Variants in ROR1 observed in about 807,000 individuals in gnomAD.
The protein encoded by ROR1 is inactive tyrosine-protein kinase transmembrane receptor ROR1.
In ROR1, 19 loss-of-function variants were observed where a neutral mutation model predicts 78.8. That is an observed-to-expected ratio of 0.24 (90% CI 0.17 to 0.35). The LOEUF (loss-of-function observed/expected upper bound fraction) is 0.35, where lower values mean the gene tolerates loss of function less well. Ranked by LOEUF, ROR1 falls within the 10% of genes least tolerant of loss-of-function variation. The pLI, the probability that ROR1 is intolerant of heterozygous loss-of-function variation, is 1.00. For synonymous variants in ROR1, 386 were observed against 433.6 expected, an observed-to-expected ratio of 0.89 and a Z score of 1.36; for missense variants, 917 against 1,177.8, an observed-to-expected ratio of 0.78 and a Z score of 3.24.
At chr1:64,105,230 C>A (rs1647748157) in intron 4 of ROR1, 1 of 150,572 alleles carries the variant, frequency 6.6e-6, no homozygotes, top group Non-Finnish European at 1.5e-5. Flanking sequence ...GAGCTTTTTT[C>A]ATGTTTCTTG....
rs1023510871 is a variant in ROR1, at chr1:64,069,091, C to CT, written c.482+18383dup. On this transcript the variant is annotated intron_variant, in intron 4 of 8. Coordinates refer to ENST00000371079, the MANE Select transcript of ROR1 (RefSeq NM_005012.4). Reference sequence around the variant, plus strand: ...ACAGATTCTGTTAAAATTGTGTAGACTTTTTTTTGTAGGACATTTATTTAA... The same window carrying CT: ...ACAGATTCTGTTAAAATTGTGTAGACTTTTTTTTTGTAGGACATTTATTTAA... Among the ~76,000 whole-genome samples, 24 of 151,486 alleles carry CT rather than the reference C, an allele frequency of 1.6e-4. No homozygotes were observed. The East Asian group carries it at 4.3e-3, about 27-fold the overall frequency.
At chr1:63,811,328 G>A (rs1644858565) in intron 1 of ROR1, among the ~76,000 whole-genome samples, 1 of 152,194 alleles carries the variant, frequency 6.6e-6, no homozygotes, top group South Asian at 2.1e-4. Context: ...GCCCCTGATT[G>A]GAGAGGAGTT....
intron 1 of ROR1, among the ~76,000 whole-genome samples, chr1:63,902,626 A>G (rs142046351): frequency 2.0e-5 from 3 of 152,142 alleles, no homozygotes; most frequent in African/African-American, 2.4e-5. Flanking sequence ...TGCCCAGCCA[A>G]AAGATGTGGA....
chr1:63,793,961 G>A (rs1017204363), intron 1 of ROR1, among the ~76,000 whole-genome samples: 18 of 152,276 alleles, frequency 1.2e-4, no homozygotes, highest in Non-Finnish European at 2.2e-4. Context: ...TCCTGTCTCC[G>A]TTGTGTGCAC....
At chr1:64,069,516 A>ATG (rs143372488) in intron 4 of ROR1, among the ~76,000 whole-genome samples, 25,556 of 150,354 alleles carry the variant, frequency 0.17, 2,149 homozygotes, top group South Asian at 0.24. Context: ...CTTGGGTTAA[A>ATG]TGTGTGTGTG....
intron 4 of ROR1, among the ~76,000 whole-genome samples, chr1:64,090,794 A>G (rs920682092): frequency 6.6e-6 from 1 of 152,166 alleles, no homozygotes; most frequent in African/African-American, 2.4e-5. Flanking sequence ...TATTTAGTTT[A>G]CCAGCATTAC....
At chr1:63,874,584 C>T (rs1332184067) in intron 1 of ROR1, among the ~76,000 whole-genome samples, 1 of 152,136 alleles carries the variant, frequency 6.6e-6, no homozygotes, top group South Asian at 2.1e-4. Flanking sequence ...TGTACTTCCA[C>T]TTCTGAAGTA....
At chr1:64,126,089 G>A (rs1648705318) in intron 4 of ROR1, among the ~76,000 whole-genome samples, 1 of 152,164 alleles carries the variant, frequency 6.6e-6, no homozygotes, top group Non-Finnish European at 1.5e-5. Context: ...AAGGAGATAA[G>A]ACTGAACCGA....
At chr1:63,843,915 A>T (rs748261552) in intron 1 of ROR1, among the ~76,000 whole-genome samples, 4 of 152,104 alleles carry the variant, frequency 2.6e-5, no homozygotes, top group Non-Finnish European at 5.9e-5. Flanking sequence ...TGAGACATAA[A>T]TCTGACTCTT....
chr1:64,173,029 T>A (rs1248499305), intron 8 of ROR1, among the ~76,000 whole-genome samples: 2 of 152,204 alleles, frequency 1.3e-5, no homozygotes, highest in Non-Finnish European at 2.9e-5. Flanking sequence ...AGGATTTATG[T>A]AAAATTTGAA....
chr1:63,807,176 C>T (rs1041523535), intron 1 of ROR1, among the ~76,000 whole-genome samples: 4 of 152,186 alleles, frequency 2.6e-5, no homozygotes, highest in African/African-American at 9.7e-5. Context: ...TCCATGGCAA[C>T]CTGCAGCTAA....
At chr1:63,783,661 A>C (rs1270795457) in intron 1 of ROR1, among the ~76,000 whole-genome samples, 1 of 152,198 alleles carries the variant, frequency 6.6e-6, no homozygotes, top group Non-Finnish European at 1.5e-5. Flanking sequence ...AGATGGGAGA[A>C]AATACAAGAC....
rs1166596559 is a variant in ROR1, at chr1:64,180,013, G to A, written c.*1158G>A. The A allele has an allele frequency of 1.3e-5, 2 of 152,044 alleles. No individual in the cohort carries two copies. Among genetic ancestry groups the A allele is most frequent in the East Asian group, 3.9e-4 (2 of 5,194 alleles). 9.4% of individuals were successfully genotyped at this position (152,044 alleles called of 1,614,324 possible). ...TCATACAGTCAGTTGGAATCCAAAG[G>A]CAATTAATTCTATTTTGCAAAATAT... On this transcript the variant is annotated 3_prime_UTR_variant, in exon 9 of 9. Coordinates refer to ENST00000371079, the MANE Select transcript of ROR1 (RefSeq NM_005012.4).
chr1:64,173,600 T>A (rs998555838), intron 8 of ROR1, among the ~76,000 whole-genome samples: 5 of 152,180 alleles, frequency 3.3e-5, no homozygotes, highest in African/African-American at 1.2e-4. Flanking sequence ...CTTTCGGCTC[T>A]CCTGAAAATT....
intron 1 of ROR1, among the ~76,000 whole-genome samples, chr1:63,833,091 A>G (rs1262723235): frequency 6.6e-6 from 1 of 152,228 alleles, no homozygotes; most frequent in Non-Finnish European, 1.5e-5. Flanking sequence ...AATTTTGCAT[A>G]GTGTGGTGAT....
At chr1:63,846,014 T>A (rs914106913) in intron 1 of ROR1, among the ~76,000 whole-genome samples, 6 of 152,198 alleles carry the variant, frequency 3.9e-5, no homozygotes, top group African/African-American at 1.2e-4. Flanking sequence ...GTGCTGTGTC[T>A]AATCAGCTTT....
chr1:64,053,875 T>A (rs545452907), intron 4 of ROR1, among the ~76,000 whole-genome samples: 32 of 152,386 alleles, frequency 2.1e-4, no homozygotes, highest in Admixed American at 1.9e-3. Flanking sequence ...TAAGTTGTTT[T>A]ATGCAAGATT....
chr1:64,063,085 A>G (rs1156254754), intron 4 of ROR1, among the ~76,000 whole-genome samples: 1 of 152,238 alleles, frequency 6.6e-6, no homozygotes, highest in Non-Finnish European at 1.5e-5. Flanking sequence ...CCAGGGGCTC[A>G]TATACCATTG....
chr1:64,177,689 A>G lies in ROR1; in HGVS notation c.1648A>G (p.Met550Val). 1 of 1,614,202 alleles carries G rather than the reference A, an allele frequency of 6.2e-7. No individual in the cohort carries two copies. Among genetic ancestry groups the G allele is most frequent in the Non-Finnish European group, 8.5e-7 (1 of 1,180,026 alleles). Residue 550 changes from methionine (M) to valine (V), a missense_variant, in exon 9 of 9, where the codon ATG becomes GTG. Around this residue, in one of 3 missense-constraint regions of ROR1, gnomAD observed 835 missense variants for 1,069.8 expected, o/e 0.78. Coordinates refer to ENST00000371079, the MANE Select transcript of ROR1 (RefSeq NM_005012.4). The part of the protein sequence containing the change: ...GAVTQEQPVC[M>V]LFEYINQGDL... ...CGTCACTCAGGAACAACCTGTGTGCATGCTTTTTGAGTATATTAATCAGGG... is the reference window on the plus strand; with the variant it reads ...CGTCACTCAGGAACAACCTGTGTGCGTGCTTTTTGAGTATATTAATCAGGG...
Sources: gnomAD v4.1 joint callset for allele counts (sites outside exome capture counted in the v4.1 genomes callset) on GRCh38, gnomAD v4.1.1 for gene constraint, gnomAD v4.1.1 regional missense constraint, MANE v1.5 for transcripts, NCBI Gene and HGNC (gene_info 2026-07-23, HGNC 2026-07-21) for gene names.